Variants in KRT78 observed in about 807,000 individuals in gnomAD.
KRT78 encodes the protein keratin 78, also known as keratin, type II cytoskeletal 78.
A neutral mutation model predicts 51.4 loss-of-function variants in KRT78; 55 were observed. That is an observed-to-expected ratio of 1.07 (90% CI 0.86 to 1.34). KRT78 has a LOEUF of 1.34. Among genes scored for constraint, KRT78 ranks in the 40% most tolerant of loss-of-function variants. The pLI is 0.00. For synonymous variants in KRT78, 291 were observed against 264.3 expected (o/e 1.10, Z -0.98); for missense variants, 652 against 649.4 (o/e 1.00, Z -0.04).
At chr12:52,847,847 C>A (rs1592147370) in intron 2 of KRT78, 60 bp downstream of exon 2, 19 of 1,512,628 alleles carry the variant, frequency 1.3e-5, no homozygotes, top group South Asian at 4.6e-5. Context: ...GGCTGACAGA[C>A]CCAAACTGAG....
intron 1 of KRT78, 49 bp from the exon 2 acceptor site, chr12:52,848,170 C>T: frequency 1.9e-6 from 3 of 1,594,622 alleles, no homozygotes; most frequent in East Asian, 2.3e-5. Flanking sequence ...ACTCCCTGTG[C>T]ACAGCCTCTG....
Position 52,846,288 on chromosome 12 carries a change from A to C in KRT78, c.665T>G (p.Val222Gly). Residue 222 changes from valine to glycine, a missense_variant, in exon 4 of 9, where the codon GTG (valine) becomes GGG (glycine). Val to Gly is a moderately radical substitution (Grantham distance 109, BLOSUM62 -3). Transcript: ENST00000304620. ...ENDFVVLKKD[V>G]DGVFLSKMEL... ...CATCTTGCTCAGGAAAACCCCATCCACATCCTGGAGACAAGGGGAGAGAGA... is the reference window on the plus strand; with the variant it reads ...CATCTTGCTCAGGAAAACCCCATCCCCATCCTGGAGACAAGGGGAGAGAGA... The C allele has an allele frequency of 6.2e-7, 1 of 1,608,128 alleles. No homozygotes were observed. The highest frequency in any genetic ancestry group is 8.5e-7 in the Non-Finnish European group (1 of 1,174,722).
At chr12:52,844,963 G>A (rs1387580628) in intron 4 of KRT78, among the ~76,000 whole-genome samples, 1 of 151,668 alleles carries the variant, frequency 6.6e-6, no homozygotes, top group Non-Finnish European at 1.5e-5. Context: ...TGGCCTGCAA[G>A]GCCCAAAATC....
At chr12:52,844,257 A>T in intron 5 of KRT78, 39 bp from the exon 6 acceptor site, 1 of 1,553,488 alleles carries the variant, frequency 6.4e-7, no homozygotes, top group South Asian at 1.2e-5. Context: ...AGTTGAGAGG[A>T]CTGCCACCTT....
chr12:52,843,614 C>T (rs552574558), intron 6 of KRT78, among the ~76,000 whole-genome samples: 9 of 145,606 alleles, frequency 6.2e-5, no homozygotes, highest in South Asian at 2.2e-4. Context: ...CCCTTGAACC[C>T]GGAGGCAGAG....
At position 52,838,102 on chromosome 12, in the gene KRT78, C is replaced by G. The variant is rs1409461707; in HGVS notation, c.*1011G>C. 6.6e-6 allele frequency: 1 copy of G among 152,184 alleles called. No homozygotes were observed. The highest frequency in any genetic ancestry group is 1.5e-5 in the Non-Finnish European group (1 of 68,038). The allele number at this position is 152,184 out of a possible 1,614,324, so 9.4% of individuals were successfully genotyped here. On this transcript the variant is annotated 3_prime_UTR_variant, in exon 9 of 9. Transcript: ENST00000304620. ...ATGAATCTGAGGAAAGGTCTGCCCTCCCTCTAAAGCAAGGAGAGGCGTAGT... is the reference window on the plus strand; with the variant it reads ...ATGAATCTGAGGAAAGGTCTGCCCTGCCTCTAAAGCAAGGAGAGGCGTAGT...
chr12:52,839,775 G>A lies in KRT78; in HGVS notation c.1257C>T (p.Gly419=), dbSNP rs372097737. Residue 419 remains glycine (G), a synonymous_variant, in exon 7 of 9, where the codon GGC becomes GGT. Transcript: ENST00000304620. ...CAAGCCTCCCTCACCTGCACTCCTCGCCCTCCAGCAGCCTGCGGTAAGTGG... is the reference window on the plus strand; with the variant it reads ...CAAGCCTCCCTCACCTGCACTCCTCACCCTCCAGCAGCCTGCGGTAAGTGG... ...EIATYRRLLE[G]EECRMSGECT... The A allele has an allele frequency of 3.4e-5, 55 of 1,613,658 alleles. No individual in the cohort carries two copies. Among genetic ancestry groups the A allele is most frequent in the Admixed American group, 1.2e-4 (7 of 59,958 alleles).
At chr12:52,839,522 G>A (rs768440763) in intron 7 of KRT78, 35 bp from the exon 8 acceptor site, 3 of 1,538,122 alleles carry the variant, frequency 2.0e-6, no homozygotes, top group Admixed American at 2.1e-5. Context: ...GATGCGCTAA[G>A]GAATACTACA....
At chr12:52,840,013 G>C in intron 6 of KRT78, 29 bp from the exon 7 acceptor site, 3 of 1,564,732 alleles carry the variant, frequency 1.9e-6, no homozygotes, top group Non-Finnish European at 2.6e-6. Flanking sequence ...TGAGCGAGAA[G>C]GTGGTTGTAA....
chr12:52,839,899 A>T lies in KRT78; in HGVS notation c.1133T>A (p.Leu378Gln). Residue 378 changes from leucine (L) to glutamine (Q), a missense_variant, in exon 7 of 9, where the codon CTG becomes CAG. Transcript: ENST00000304620. ...LKDAQAKVDELEAALRMAKQN... is the reference protein window; with the variant it reads ...LKDAQAKVDEQEAALRMAKQN... ...CTTGGCCATCCTCAGAGCAGCCTCC[A>T]GCTCGTCCACCTTGGCCTGAGCGTC... 6.2e-6 allele frequency: 10 copies of T among 1,614,094 alleles called. No individual in the cohort carries two copies. The highest frequency in any genetic ancestry group is 8.5e-6 in the Non-Finnish European group (10 of 1,180,022).
Position 52,839,773 on chromosome 12 carries a change from T to C in KRT78, c.1259A>G (p.Glu420Gly), listed in dbSNP as rs1169579179. ...IATYRRLLEGEECRMSGECTS... is the reference protein window; with the variant it reads ...IATYRRLLEGGECRMSGECTS... Reference sequence around the variant, plus strand: ...TCCAAGCCTCCCTCACCTGCACTCCTCGCCCTCCAGCAGCCTGCGGTAAGT... The same window carrying C: ...TCCAAGCCTCCCTCACCTGCACTCCCCGCCCTCCAGCAGCCTGCGGTAAGT... The change falls in exon 7 of 9, where the codon GAG becomes GGG. Residue 420 changes from glutamate (E) to glycine (G), a missense_variant. Coordinates refer to ENST00000304620, the MANE Select transcript of KRT78 (RefSeq NM_173352.4). The C allele has an allele frequency of 5.6e-6, 9 of 1,613,882 alleles. No individual in the cohort carries two copies. Among genetic ancestry groups the C allele is most frequent in the Non-Finnish European group, 7.6e-6 (9 of 1,179,992 alleles).
At chr12:52,848,364 A>G in intron 1 of KRT78, 183 bp downstream of exon 1, 2 of 1,420,472 alleles carry the variant, frequency 1.4e-6, no homozygotes, top group South Asian at 1.3e-5. Flanking sequence ...AGCCCCAATC[A>G]TGGAACAACA....
Position 52,839,266 on chromosome 12 carries a change from G to A in KRT78, c.1410C>T (p.Ser470=). The A allele has an allele frequency of 6.2e-7, 1 of 1,612,430 alleles. No homozygotes were observed. Among genetic ancestry groups the A allele is most frequent in the Non-Finnish European group, 8.5e-7 (1 of 1,179,296 alleles). ...GKGSPGSCCT[S]IVTGGSNIIL... ...TGATGTTGGAGCCTCCAGTCACAAT[G>A]CTGGTGCAGCAGGACCCAGGGCTGC... The change falls in exon 9 of 9, where the codon AGC becomes AGT. Residue 470 remains serine, a synonymous_variant. Transcript: ENST00000304620.
chr12:52,845,440 T>G (rs1252969834), intron 4 of KRT78, among the ~76,000 whole-genome samples: 1 of 152,196 alleles, frequency 6.6e-6, no homozygotes, highest in Non-Finnish European at 1.5e-5. Flanking sequence ...GAAACCCACC[T>G]GCGTGGTGAC....
chr12:52,848,796 C>T lies in KRT78; in HGVS notation c.135G>A (p.Gly45=), dbSNP rs1343797084. The change falls in exon 1 of 9, where the codon GGG becomes GGA. Residue 45 remains glycine (G), a synonymous_variant. Transcript: ENST00000304620. ...TCCCACGAGAGCCTTCCAGGCACCC[C>T]CCAAAGGAATTAAGGCTCCTGCTGC... ...GFSSRSLNSF[G]GCLEGSRGST... 1 of 1,613,578 alleles carries T rather than the reference C, an allele frequency of 6.2e-7. No homozygotes were observed. Among genetic ancestry groups the T allele is most frequent in the Non-Finnish European group, 8.5e-7 (1 of 1,179,824 alleles).
At position 52,842,959 on chromosome 12, in the gene KRT78, G is replaced by GAGAGAGAAAGGAAGGAAGGAAGGAAGGA. The variant is rs1299063277; in HGVS notation, c.1047+1133_1047+1134insTCCTTCCTTCCTTCCTTCCTTTCTCTCT. 2.0e-4 allele frequency among the ~76,000 whole-genome samples: 11 copies of GAGAGAGAAAGGAAGGAAGGAAGGAAGGA among 53,760 alleles called. No homozygotes were observed. The Admixed American group carries it at 2.0e-3, about 10-fold the overall frequency. The allele number at this position is 53,760 out of a possible 152,430, so 35.3% of individuals were successfully genotyped here. On this transcript the variant is annotated intron_variant, in intron 6 of 8. Transcript: ENST00000304620. ...AGAAAGAGAGAGAGAGAGAGAGAGAGAGGAAGGAAGGAAGGAAGGAAGGAA... is the reference window on the plus strand; with the variant it reads ...AGAAAGAGAGAGAGAGAGAGAGAGAGAGAGAGAAAGGAAGGAAGGAAGGAAGGAAGGAAGGAAGGAAGGAAGGAAGGAA...
intron 1 of KRT78, 192 bp from the exon 2 acceptor site, chr12:52,848,313 G>A: frequency 6.6e-7 from 1 of 1,520,378 alleles, no homozygotes; most frequent in Non-Finnish European, 8.8e-7. Context: ...GACTAATGGG[G>A]CAGGGCCTTC....
Position 52,844,551 on chromosome 12 carries a change from C to G in KRT78, c.921+8G>C, listed in dbSNP as rs367966204. The G allele has an allele frequency of 1.6e-5, 26 of 1,610,696 alleles. No individual in the cohort carries two copies. The African/African-American group carries it at 3.1e-4, about 19-fold the overall frequency. On this transcript the variant is annotated splice_region_variant and intron_variant, in intron 5 of 8. Transcript: ENST00000304620. ...TCCAGCATGGTGCTGCCCCCCAGGT[C>G]CCACCACCTTGGTCTGGTACAAGGC...
At position 52,844,540 on chromosome 12, in the gene KRT78, G is replaced by T; in HGVS notation, c.921+19C>A. The T allele has an allele frequency of 6.2e-7, 1 of 1,606,638 alleles. No homozygotes were observed. The highest frequency in any genetic ancestry group is 2.2e-5 in the East Asian group (1 of 44,744). The stretch of plus-strand genomic sequence containing the variant: ...ACCTAGCCATTTCCAGCATGGTGCT[G>T]CCCCCCAGGTCCCACCACCTTGGTC... On this transcript the variant is annotated intron_variant, in intron 5 of 8. Transcript: ENST00000304620.
Sources: gnomAD v4.1 joint callset for allele counts (sites outside exome capture counted in the v4.1 genomes callset) on GRCh38, gnomAD v4.1.1 for gene constraint, MANE v1.5 for transcripts, NCBI Gene and HGNC (gene_info 2026-07-23, HGNC 2026-07-21) for gene names.